GALNT18: variants seen among roughly 807,000 people sequenced by gnomAD.
GALNT18 encodes GalNAc-transferase 18.
Under a neutral mutation model 69.5 loss-of-function variants are expected in GALNT18, and 44 were observed. The ratio of observed to expected loss-of-function variants is 0.63; its 90% CI spans 0.50 to 0.81. GALNT18 has a LOEUF of 0.81. Ranked by LOEUF, GALNT18 falls within the 40% of genes least tolerant of loss-of-function variation. GALNT18 has a pLI of 0.00. For synonymous variants in GALNT18, 364 were observed against 318.2 expected (o/e 1.14, Z -1.53); for missense variants, 715 against 810.0 (o/e 0.88, Z 1.42).
rs115013454 is a variant in GALNT18 at position 11,386,217 on chromosome 11, G to A, written c.596-6953C>T. On this transcript the variant is annotated intron_variant, in intron 3 of 10. Coordinates refer to ENST00000227756, the MANE Select transcript of GALNT18 (RefSeq NM_198516.3). ...CTCACTTATCAGGTGGGATGACATT[G>A]CAGAGTCTCCAAGTCTCCTGGTGGT... Among the ~76,000 whole-genome samples the A allele has an allele frequency of 4.3e-3, 662 of 152,294 alleles. 4 individuals are homozygous for A. The highest frequency in any genetic ancestry group is 0.014 in the African/African-American group (591 of 41,554).
In GALNT18 at chr11:11,538,672, G is replaced by C. The variant is rs11021913; in HGVS notation, c.235+82687C>G. 0.054 allele frequency among the ~76,000 whole-genome samples: 8,205 copies of C among 152,238 alleles called. 243 individuals carry two copies. The highest frequency in any genetic ancestry group is 0.068 in the Middle Eastern group (20 of 294). On this transcript the variant is annotated intron_variant, in intron 1 of 10. Transcript: ENST00000227756. The surrounding 1 kb of genome is among the most constrained non-coding windows in gnomAD (Gnocchi z 5.2). ...CCTCCCTTCCTAGAGGTGCCTCCCG[G>C]AGCTCTGGTTTCCCAGTCAGTAAAT...
rs768865608 is a variant in GALNT18, at chr11:11,332,696, C to A, written c.1414G>T (p.Val472Leu). The A allele has an allele frequency of 4.3e-6, 7 of 1,614,150 alleles. No homozygotes were observed. Among genetic ancestry groups the A allele is most frequent in the Admixed American group, 1.7e-5 (1 of 60,028 alleles). ...CCCGGAGGAGGCCAGCTCCTTACCA[C>A]TCCATAGGCAATGATGTCGGAGTAC... ...RMYSDIIAYGVLQNSLKTDLC... is the reference protein window; with the variant it reads ...RMYSDIIAYGLLQNSLKTDLC... The change falls in exon 8 of 11, where the codon GTG (valine) becomes TTG (leucine). Residue 472 changes from valine to leucine, a missense_variant and splice_region_variant. By Grantham distance (32) the Val-to-Leu change is conservative (BLOSUM62 1). Transcript: ENST00000227756. The surrounding 1 kb of genome is among the most constrained non-coding windows in gnomAD (Gnocchi z 4.3).
intron 10 of GALNT18, among the ~76,000 whole-genome samples, chr11:11,282,794 C>A (rs188557201): frequency 6.6e-6 from 1 of 152,148 alleles, no homozygotes; most frequent in Non-Finnish European, 1.5e-5. Context: ...TTCTAGGCCA[C>A]TGAGATATAT....
chr11:11,292,442 TC>T (rs1348319607), intron 10 of GALNT18, among the ~76,000 whole-genome samples: 1 of 152,164 alleles, frequency 6.6e-6, no homozygotes, highest in Admixed American at 6.5e-5. Flanking sequence ...TAAAGGAATG[TC>T]CCACGGTCAC....
rs1354176287 is a variant in GALNT18, at chr11:11,538,140, C to A, written c.235+83219G>T. Among the ~76,000 whole-genome samples the A allele has an allele frequency of 6.6e-6, 1 of 152,080 alleles. No individual in the cohort carries two copies. Among genetic ancestry groups the A allele is most frequent in the Non-Finnish European group, 1.5e-5 (1 of 68,012 alleles). On this transcript the variant is annotated intron_variant, in intron 1 of 10. Transcript: ENST00000227756. This position sits in a 1 kb window ranked among gnomAD's most constrained non-coding sequence, Gnocchi z 5.2. ...TGTTTTGCAGAGGGTGAAATTCAGG[C>A]TGGAAGAGTGGGTGACTAGCTAAGG...
chr11:11,510,775 T>G (rs924548397), intron 1 of GALNT18, among the ~76,000 whole-genome samples: 2 of 152,204 alleles, frequency 1.3e-5, no homozygotes, highest in African/African-American at 4.8e-5. Flanking sequence ...GGGATCTCTG[T>G]GACTCCAGGG....
At chr11:11,545,924 T>G (rs1457654698) in intron 1 of GALNT18, among the ~76,000 whole-genome samples, 1 of 152,118 alleles carries the variant, frequency 6.6e-6, no homozygotes, top group African/African-American at 2.4e-5. Flanking sequence ...TCAACTAGCA[T>G]GCAAGGAAAA....
intron 6 of GALNT18, among the ~76,000 whole-genome samples, chr11:11,361,069 G>T (rs1348119668): frequency 6.6e-6 from 1 of 152,180 alleles, no homozygotes; most frequent in African/African-American, 2.4e-5. Context: ...TAAGGTGGTT[G>T]TCTCTCCAGC....
At chr11:11,422,292 T>G (rs1311313788) in intron 3 of GALNT18, among the ~76,000 whole-genome samples, 1 of 152,196 alleles carries the variant, frequency 6.6e-6, no homozygotes, top group Non-Finnish European at 1.5e-5. Context: ...TGGTATAGGA[T>G]GTGGCAGGCA....
At chr11:11,532,959 A>G (rs1322329288) in intron 1 of GALNT18, among the ~76,000 whole-genome samples, 2 of 152,216 alleles carry the variant, frequency 1.3e-5, no homozygotes, top group African/African-American at 4.8e-5. Context: ...TTGCCATAAT[A>G]ATAATTACTG....
chr11:11,556,355 G>A (rs1403864678), intron 1 of GALNT18, among the ~76,000 whole-genome samples: 3 of 152,196 alleles, frequency 2.0e-5, no homozygotes, highest in African/African-American at 7.2e-5. Flanking sequence ...TGACAGTAGC[G>A]TGAAGTGCCA....
chr11:11,355,074 TC>T (rs1375238362), intron 6 of GALNT18, among the ~76,000 whole-genome samples: 1 of 152,224 alleles, frequency 6.6e-6, no homozygotes, highest in Non-Finnish European at 1.5e-5. Context: ...CAGAGCCTCT[TC>T]CCTGGTCTTT....
At position 11,538,036 on chromosome 11, in the gene GALNT18, C is replaced by T. The variant is rs549085095; in HGVS notation, c.235+83323G>A. ...CCAATTACCGAGCACTTACTACATG[C>T]CAGACACTGCTGAGTGTTTTACTAA... is the stretch of plus-strand genomic sequence containing the variant. On this transcript the variant is annotated intron_variant, in intron 1 of 10. Transcript: ENST00000227756. The surrounding 1 kb of genome is among the most constrained non-coding windows in gnomAD (Gnocchi z 5.2). 1.3e-5 allele frequency among the ~76,000 whole-genome samples: 2 copies of T among 152,306 alleles called. No individual in the cohort carries two copies. Among genetic ancestry groups the T allele is most frequent in the South Asian group, 2.1e-4 (1 of 4,826 alleles).
chr11:11,299,112 A>C (rs1849449183), intron 9 of GALNT18, among the ~76,000 whole-genome samples: 1 of 152,158 alleles, frequency 6.6e-6, no homozygotes, highest in Non-Finnish European at 1.5e-5. Flanking sequence ...TGCACCCAGC[A>C]CCCAAGCAGT....
chr11:11,331,049 C>T (rs762760543), intron 8 of GALNT18, among the ~76,000 whole-genome samples: 1 of 152,198 alleles, frequency 6.6e-6, no homozygotes, highest in Non-Finnish European at 1.5e-5. Flanking sequence ...GCATACATAG[C>T]TTGCTATGGG....
chr11:11,498,849 A>T (rs564591991), intron 1 of GALNT18, among the ~76,000 whole-genome samples: 1 of 152,346 alleles, frequency 6.6e-6, no homozygotes, highest in South Asian at 2.1e-4. Context: ...AGATTCTATG[A>T]TGGTAGCAAT....
intron 1 of GALNT18, among the ~76,000 whole-genome samples, chr11:11,482,801 C>T (rs377025336): frequency 1.4e-4 from 22 of 152,308 alleles, no homozygotes; most frequent in East Asian, 1.2e-3. Flanking sequence ...ACAGGGAAAA[C>T]GGAAATAAAC....
intron 10 of GALNT18, among the ~76,000 whole-genome samples, chr11:11,273,342 TAACTC>T (rs777155933): frequency 6.7e-5 from 10 of 149,934 alleles, no homozygotes; most frequent in African/African-American, 1.9e-4. Context: ...GAAGTTCAAA[TAACTC>T]AATAGCAAGA....
chr11:11,474,387 G>A lies in GALNT18; in HGVS notation c.236-25451C>T, dbSNP rs137936674. Reference sequence around the variant, plus strand: ...AGTGGTAAAGATAGGTAAGGTATAAGGCTGGGGAAAGATCGTACAGGACCT... The same window carrying A: ...AGTGGTAAAGATAGGTAAGGTATAAAGCTGGGGAAAGATCGTACAGGACCT... On this transcript the variant is annotated intron_variant, in intron 1 of 10. Transcript: ENST00000227756. Among the ~76,000 whole-genome samples the A allele has an allele frequency of 5.3e-3, 812 of 152,288 alleles. 8 individuals are homozygous for A. Among genetic ancestry groups the A allele is most frequent in the African/African-American group, 0.019 (781 of 41,552 alleles).
Sources: gnomAD v4.1 joint callset for allele counts (sites outside exome capture counted in the v4.1 genomes callset) on GRCh38, gnomAD v4.1.1 for gene constraint, Gnocchi (gnomAD v3.1) non-coding constraint, MANE v1.5 for transcripts, NCBI Gene and HGNC (gene_info 2026-07-23, HGNC 2026-07-21) for gene names.